Variants in CERT1 observed in about 807,000 individuals in gnomAD.
CERT1 encodes the protein ceramide transporter 1.
In CERT1, 31 loss-of-function variants were observed where a neutral mutation model predicts 87.9. That is an observed-to-expected ratio of 0.35 (90% confidence interval 0.27 to 0.48). The LOEUF is 0.48. Among genes scored for constraint, CERT1 ranks in the 20% least tolerant of loss-of-function variants. The probability of loss-of-function intolerance (pLI) is 0.99; values close to 1 mark genes in which losing one functional copy is unlikely to be tolerated. For missense variants in CERT1, 487 were observed against 758.0 expected (o/e 0.64, Z 4.20); for synonymous variants, 289 against 250.9 (o/e 1.15, Z -1.44).
At chr5:75,395,959 G>T (rs73763093) in intron 11 of CERT1, among the ~76,000 whole-genome samples, 11,914 of 152,236 alleles carry the variant, frequency 0.078, 562 homozygotes, top group South Asian at 0.17. Context: ...CAGATCTGGA[G>T]TGACTTCATT....
At chr5:75,482,384 T>G (rs2112394674) in intron 2 of CERT1, among the ~76,000 whole-genome samples, 1 of 152,188 alleles carries the variant, frequency 6.6e-6, no homozygotes, top group African/African-American at 2.4e-5. Flanking sequence ...TCAGCCCCAG[T>G]AAAATAGAGC....
At chr5:75,455,070 C>T (rs1764923726) in intron 3 of CERT1, among the ~76,000 whole-genome samples, 1 of 152,182 alleles carries the variant, frequency 6.6e-6, no homozygotes, top group Admixed American at 6.5e-5. Context: ...CTTTCTGAAT[C>T]CCGGTGAAAC....
At chr5:75,394,543 C>A (rs1437050127) in intron 11 of CERT1, among the ~76,000 whole-genome samples, 1 of 152,032 alleles carries the variant, frequency 6.6e-6, no homozygotes, top group Non-Finnish European at 1.5e-5. Context: ...CACAGTGAGA[C>A]CTCGTCTCTG....
At chr5:75,418,160 A>C (rs1343511439) in intron 6 of CERT1, among the ~76,000 whole-genome samples, 2 of 152,012 alleles carry the variant, frequency 1.3e-5, no homozygotes, top group African/African-American at 4.8e-5. Flanking sequence ...CTGTCTCAAA[A>C]TAATAATAAT....
At chr5:75,425,317 C>A in intron 5 of CERT1, 44 bp downstream of exon 5, 1 of 1,567,322 alleles carries the variant, frequency 6.4e-7, no homozygotes, top group Non-Finnish European at 8.7e-7. Context: ...GGCTTTTAAT[C>A]CATTCATTCT....
chr5:75,435,350 T>C (rs964144430), intron 3 of CERT1, among the ~76,000 whole-genome samples: 1 of 152,264 alleles, frequency 6.6e-6, no homozygotes, highest in African/African-American at 2.4e-5. Flanking sequence ...ACTGTGTTCC[T>C]TGGACTGCAT....
At chr5:75,383,468 T>G (rs1761665784) in intron 14 of CERT1, among the ~76,000 whole-genome samples, 1 of 152,110 alleles carries the variant, frequency 6.6e-6, no homozygotes, top group African/African-American at 2.4e-5. Context: ...TCATTTATCT[T>G]CATTCCAAAT....
chr5:75,402,677 G>C (rs1762543606), intron 9 of CERT1: 1 of 203,768 alleles, frequency 4.9e-6, no homozygotes, highest in Non-Finnish European at 1.0e-5. Flanking sequence ...GCGCGCACCT[G>C]TAGTCCCAGC....
chr5:75,384,030 T>C (rs981780361), intron 14 of CERT1, among the ~76,000 whole-genome samples: 2 of 152,196 alleles, frequency 1.3e-5, no homozygotes, highest in African/African-American at 4.8e-5. Flanking sequence ...TGATTTTTCT[T>C]TGCTTTCAGA....
intron 3 of CERT1, among the ~76,000 whole-genome samples, chr5:75,451,922 T>G (rs1457296183): frequency 6.6e-6 from 1 of 152,198 alleles, no homozygotes; most frequent in Non-Finnish European, 1.5e-5. Flanking sequence ...TTAAAAGATC[T>G]CTAAATGGGT....
chr5:75,490,500 TTTA>T (rs201508251), intron 2 of CERT1, among the ~76,000 whole-genome samples: 4 of 149,488 alleles, frequency 2.7e-5, no homozygotes, highest in Non-Finnish European at 4.5e-5. Context: ...GAAATTTTTA[TTTA>T]TTTATTTTTT....
At chr5:75,423,602 A>G (rs1401758175) in intron 5 of CERT1, among the ~76,000 whole-genome samples, 1 of 152,152 alleles carries the variant, frequency 6.6e-6, no homozygotes, top group Non-Finnish European at 1.5e-5. Flanking sequence ...TTAACCAGAT[A>G]TGACGGTGTA....
At chr5:75,394,449 T>A (rs1762166115) in intron 11 of CERT1, among the ~76,000 whole-genome samples, 1 of 152,160 alleles carries the variant, frequency 6.6e-6, no homozygotes, top group Non-Finnish European at 1.5e-5. Context: ...TGCAGTGAGC[T>A]ATGATTGTGC....
At chr5:75,419,289 TA>T in intron 6 of CERT1, 51 bp downstream of exon 6, 1 of 1,198,582 alleles carries the variant, frequency 8.3e-7, no homozygotes, top group Non-Finnish European at 1.2e-6. Flanking sequence ...AGTTGTTACA[TA>T]ACTTCTGAAA....
chr5:75,412,597 T>C (rs1213531880), intron 7 of CERT1, among the ~76,000 whole-genome samples: 2 of 152,228 alleles, frequency 1.3e-5, no homozygotes, highest in East Asian at 1.9e-4. Flanking sequence ...CTAGATGGTA[T>C]AGCCTACTAC....
At chr5:75,381,844 T>C in intron 15 of CERT1, 105 bp downstream of exon 15, 1 of 1,046,192 alleles carries the variant, frequency 9.6e-7, no homozygotes, top group South Asian at 1.6e-5. Context: ...TAAGAACCAT[T>C]ATCAAATCAA....
intron 2 of CERT1, among the ~76,000 whole-genome samples, chr5:75,469,552 A>AT (rs57516785): frequency 0.17 from 26,293 of 151,262 alleles, 3,168 homozygotes; most frequent in African/African-American, 0.34. Context: ...TAAAATAACT[A>AT]TTTTTTTTTG....
chr5:75,410,740 C>G (rs1180643495), intron 8 of CERT1: 5 of 207,302 alleles, frequency 2.4e-5, no homozygotes, highest in Non-Finnish European at 2.8e-5. Flanking sequence ...TAAAAATGAT[C>G]ATCTTTACAG....
chr5:75,417,146 T>A, intron 6 of CERT1, 113 bp from the exon 7 acceptor site: 2 of 802,668 alleles, frequency 2.5e-6, no homozygotes, highest in Non-Finnish European at 3.9e-6. Flanking sequence ...TTTGGGATTT[T>A]AATTTTCCTC....
Sources: gnomAD v4.1 joint callset for allele counts (sites outside exome capture counted in the v4.1 genomes callset) on GRCh38, gnomAD v4.1.1 for gene constraint, MANE v1.5 for transcripts, NCBI Gene and HGNC (gene_info 2026-07-23, HGNC 2026-07-21) for gene names.